MAK: variants seen among roughly 807,000 people sequenced by gnomAD.
MAK encodes the protein serine/threonine-protein kinase MAK.
In MAK, 65 loss-of-function variants were observed where a neutral mutation model predicts 82.6. That is an observed-to-expected ratio of 0.79 (90% CI 0.64 to 0.97). MAK has a LOEUF of 0.97. Among genes scored for constraint, MAK ranks in the 50% least tolerant of loss-of-function variants. The pLI is 0.00. For missense variants in MAK, 703 were observed against 780.2 expected (o/e 0.90, Z 1.18); for synonymous variants, 250 against 274.2 (o/e 0.91, Z 0.87).
Position 10,764,608 on chromosome 6 carries a change from T to C in MAK, c.1793-2A>G. ...CAGTTTTTGTGTTCCAGGTATATTC[T>C]GAAAGAAATCAGATTTGGAAAACAG... On this transcript the variant is annotated splice_acceptor_variant, in intron 14 of 14. Transcript: ENST00000354489. LOFTEE classifies it high-confidence loss of function. 6.2e-7 allele frequency: 1 copy of C among 1,613,678 alleles called. No individual in the cohort carries two copies. The highest frequency in any genetic ancestry group is 8.5e-7 in the Non-Finnish European group (1 of 1,179,670).
chr6:10,779,127 CAAAAAAAAAAAAAA>C (rs918122203), intron 11 of MAK, among the ~76,000 whole-genome samples: 3 of 20,004 alleles, frequency 1.5e-4, no homozygotes, highest in East Asian at 1.6e-3. Context: ...CACTTCGTCT[CAAAAAAAAAAAAAA>C]AAAAAAAAAA....
rs1383027842 is a variant in MAK at position 10,829,758 on chromosome 6, CA to C, written c.101+789del. On this transcript the variant is annotated intron_variant, in intron 2 of 14. Transcript: ENST00000354489. Reference sequence around the variant, plus strand: ...GAAAAACAGCAGAATTCCTCTTTGGCAATGTTCTTTTCCAAGAATGACATTC... The same window carrying C: ...GAAAAACAGCAGAATTCCTCTTTGGCATGTTCTTTTCCAAGAATGACATTC... Among the ~76,000 whole-genome samples, 6 of 152,266 alleles carry C rather than the reference CA, an allele frequency of 3.9e-5. No homozygotes were observed. The South Asian group carries it at 1.2e-3, about 32-fold the overall frequency.
intron 5 of MAK, among the ~76,000 whole-genome samples, chr6:10,812,069 G>A (rs746863725): frequency 5.6e-4 from 85 of 152,034 alleles, no homozygotes; most frequent in Non-Finnish European, 9.1e-4. Context: ...GTGTGGAAGC[G>A]TGCGCCTGTA....
intron 1 of MAK, among the ~76,000 whole-genome samples, chr6:10,833,606 AAAT>A (rs36209814): frequency 0.089 from 13,150 of 147,676 alleles, 1,705 homozygotes; most frequent in African/African-American, 0.29. Flanking sequence ...CTCTGTCTCA[AAAT>A]AATAATAATA....
At chr6:10,767,266 T>C (rs1318524365) in intron 14 of MAK, among the ~76,000 whole-genome samples, 1 of 152,188 alleles carries the variant, frequency 6.6e-6, no homozygotes. Context: ...TAGCAACATA[T>C]AAAACTTGTG....
chr6:10,809,209 A>C (rs1249574062), intron 5 of MAK, among the ~76,000 whole-genome samples: 1 of 152,224 alleles, frequency 6.6e-6, no homozygotes, highest in East Asian at 1.9e-4. Context: ...TTGTGACTCC[A>C]GTGGGTGTTC....
chr6:10,819,173 T>C (rs940151950), intron 2 of MAK, among the ~76,000 whole-genome samples: 2 of 152,250 alleles, frequency 1.3e-5, no homozygotes, highest in African/African-American at 4.8e-5. Context: ...TCTTCTTTTC[T>C]GGGTGAGTTC....
intron 1 of MAK, among the ~76,000 whole-genome samples, chr6:10,837,320 C>T (rs1049093114): frequency 6.6e-6 from 1 of 152,240 alleles, no homozygotes; most frequent in African/African-American, 2.4e-5. Context: ...AAGACTGTAT[C>T]TTAAAATATA....
intron 11 of MAK, among the ~76,000 whole-genome samples, chr6:10,780,812 T>G (rs1197927298): frequency 6.6e-6 from 1 of 152,228 alleles, no homozygotes; most frequent in Non-Finnish European, 1.5e-5. Context: ...CATGAACCTA[T>G]GTTTTGAAAA....
rs2127576572 is a variant in MAK, at chr6:10,817,839, TA to T, written c.278+10del. ...AGAGAATAACAGGGAAAAACATGAA[TA>T]AAAACATACCTGTCTTTCATTAATT... On this transcript the variant is annotated intron_variant, in intron 4 of 14. Coordinates refer to ENST00000354489, the MANE Select transcript of MAK (RefSeq NM_001242957.3). The T allele has an allele frequency of 1.4e-5, 21 of 1,481,826 alleles. No individual in the cohort carries two copies. The highest frequency in any genetic ancestry group is 1.9e-5 in the Non-Finnish European group (20 of 1,078,344). The allele number at this position is 1,481,826 out of a possible 1,614,324, so 91.8% of individuals were successfully genotyped here.
At chr6:10,766,381 G>A (rs184832402) in intron 14 of MAK, among the ~76,000 whole-genome samples, 147 of 152,338 alleles carry the variant, frequency 9.6e-4, no homozygotes, top group South Asian at 4.8e-3. Flanking sequence ...TAAGACAGCC[G>A]CCTGGCTGCC....
chr6:10,806,295 C>A (rs1776442328), intron 6 of MAK, among the ~76,000 whole-genome samples: 1 of 151,680 alleles, frequency 6.6e-6, no homozygotes, highest in Non-Finnish European at 1.5e-5. Flanking sequence ...CTGCCTCAGC[C>A]TCCCAAGTTA....
chr6:10,820,364 T>C (rs553880619), intron 2 of MAK, among the ~76,000 whole-genome samples: 5 of 152,178 alleles, frequency 3.3e-5, no homozygotes, highest in African/African-American at 1.2e-4. Context: ...TGAGTAAAAA[T>C]TGGCAGCACA....
At chr6:10,783,848 A>ACG in intron 11 of MAK, among the ~76,000 whole-genome samples, 1 of 152,194 alleles carries the variant, frequency 6.6e-6, no homozygotes, top group East Asian at 1.9e-4. Flanking sequence ...GTGAAACACC[A>ACG]TCTCTACTAA....
At chr6:10,783,624 T>C (rs1774211539) in intron 11 of MAK, among the ~76,000 whole-genome samples, 1 of 152,186 alleles carries the variant, frequency 6.6e-6, no homozygotes, top group Non-Finnish European at 1.5e-5. Context: ...CCATTTACAT[T>C]ACCCCACCCC....
chr6:10,781,312 T>C (rs934208478), intron 11 of MAK, among the ~76,000 whole-genome samples: 1 of 151,884 alleles, frequency 6.6e-6, no homozygotes, highest in Non-Finnish European at 1.5e-5. Flanking sequence ...CTTTCAAGAA[T>C]CAAAGCATAA....
chr6:10,821,096 A>C (rs996691437), intron 2 of MAK, among the ~76,000 whole-genome samples: 7 of 151,888 alleles, frequency 4.6e-5, no homozygotes, highest in African/African-American at 1.5e-4. Context: ...CTATAGGTAC[A>C]TGCCACCACG....
Position 10,764,616 on chromosome 6 carries a change from A to G in MAK, c.1793-10T>C, listed in dbSNP as rs747657647. On this transcript the variant is annotated splice_polypyrimidine_tract_variant and intron_variant, in intron 14 of 14. Transcript: ENST00000354489. ...GTGTTCCAGGTATATTCTGAAAGAA[A>G]TCAGATTTGGAAAACAGGGTTTTAC... 4 of 1,613,556 alleles carry G rather than the reference A, an allele frequency of 2.5e-6. No homozygotes were observed. In the Admixed American group the frequency reaches 6.7e-5, roughly 27 times the overall value.
At position 10,784,319 on chromosome 6, in the gene MAK, A is replaced by G. The variant is rs999179141; in HGVS notation, c.1465+105T>C. 10 of 1,187,524 alleles carry G rather than the reference A, an allele frequency of 8.4e-6. No individual in the cohort carries two copies. The Admixed American group carries it at 1.4e-4, about 17-fold the overall frequency. 73.6% of individuals were successfully genotyped at this position (1,187,524 alleles called of 1,614,324 possible). On this transcript the variant is annotated intron_variant, in intron 11 of 14. Transcript: ENST00000354489. ...TGAGCTACCAAAGAGCTCTGTGATT[A>G]GATTTTTTGCTTCACTGCTGCCCTT...
Sources: allele counts gnomAD v4.1 joint callset (sites outside exome capture counted in the v4.1 genomes callset), GRCh38; gene constraint gnomAD v4.1.1; transcripts MANE v1.5; gene names NCBI Gene and HGNC (gene_info 2026-07-23, HGNC 2026-07-21).